The following CACNA1E variants were observed in gnomAD, a reference collection of about 807,000 sequenced individuals.
CACNA1E encodes the protein calcium voltage-gated channel subunit alpha1 E.
A neutral mutation model predicts 259.2 loss-of-function variants in CACNA1E; 40 were observed. The observed-to-expected ratio is 0.15, with a 90% CI of 0.12 to 0.20. The LOEUF (loss-of-function observed/expected upper bound fraction) is 0.20. CACNA1E is among the 10% of genes least tolerant of loss of function. The pLI, the probability that CACNA1E is intolerant of heterozygous loss-of-function variation, is 1.00. For missense variants in CACNA1E, 1,874 were observed against 3,040.1 expected (o/e 0.62, Z 9.02); for synonymous variants, 1,104 against 1,138.5 (o/e 0.97, Z 0.61).
intron 1 of CACNA1E, among the ~76,000 whole-genome samples, chr1:181,370,212 C>G (rs1654581684): frequency 1.3e-5 from 2 of 151,328 alleles, no homozygotes; most frequent in Admixed American, 6.6e-5. Context: ...CTCTTTGTTT[C>G]AGAAAATCAT....
At chr1:181,651,222 T>C (rs913695043) in intron 6 of CACNA1E, 116 bp from the exon 7 acceptor site, 1 of 666,100 alleles carries the variant, frequency 1.5e-6, no homozygotes, top group Non-Finnish European at 2.6e-6. Flanking sequence ...AGTAAGGCAA[T>C]ATTTAACTGT....
chr1:181,342,096 A>G (rs562271850), intron 1 of CACNA1E, among the ~76,000 whole-genome samples: 112 of 152,276 alleles, frequency 7.4e-4, no homozygotes, highest in Non-Finnish European at 1.4e-3. Context: ...CTAGACTTGA[A>G]TGGTAAGAAG....
At chr1:181,350,518 A>G (rs752838000) in intron 1 of CACNA1E, among the ~76,000 whole-genome samples, 9 of 152,168 alleles carry the variant, frequency 5.9e-5, no homozygotes, top group South Asian at 2.1e-4. Flanking sequence ...CACGTCTCCA[A>G]TGGAACCTCA....
intron 6 of CACNA1E, among the ~76,000 whole-genome samples, chr1:181,612,031 G>A (rs1316835845): frequency 6.6e-6 from 1 of 152,214 alleles, no homozygotes; most frequent in African/African-American, 2.4e-5. Flanking sequence ...AGCAGAGACT[G>A]TCAAGTCACC....
At chr1:181,778,724 G>C (rs952442907) in intron 38 of CACNA1E, among the ~76,000 whole-genome samples, 2 of 152,180 alleles carry the variant, frequency 1.3e-5, no homozygotes, top group African/African-American at 4.8e-5. Context: ...CTCCAGCCAA[G>C]CTGCTGTTGG....
intron 1 of CACNA1E, among the ~76,000 whole-genome samples, chr1:181,330,799 C>A (rs1357178139): frequency 6.6e-6 from 1 of 152,202 alleles, no homozygotes; most frequent in Non-Finnish European, 1.5e-5. Flanking sequence ...TGGCTCCATA[C>A]AGTGACTTAT....
intron 12 of CACNA1E, among the ~76,000 whole-genome samples, chr1:181,718,617 C>T (rs1423308946): frequency 1.8e-4 from 10 of 57,130 alleles, no homozygotes; most frequent in African/African-American, 7.4e-4. Flanking sequence ...TTCAAACACA[C>T]ACACACACAC....
chr1:181,504,200 T>C (rs1665505474), intron 1 of CACNA1E, among the ~76,000 whole-genome samples: 1 of 152,154 alleles, frequency 6.6e-6, no homozygotes, highest in Non-Finnish European at 1.5e-5. Context: ...CAGGTCTTCC[T>C]GTAGGGTCTG....
chr1:181,462,994 T>C (rs1008537849), intron 2 of CACNA1E, among the ~76,000 whole-genome samples: 2 of 152,172 alleles, frequency 1.3e-5, no homozygotes, highest in African/African-American at 4.8e-5. Flanking sequence ...TGTGAGATTT[T>C]CTCTGGGAAA....
intron 2 of CACNA1E, among the ~76,000 whole-genome samples, chr1:181,449,535 G>T (rs1472666319): frequency 6.6e-6 from 1 of 152,124 alleles, no homozygotes; most frequent in Non-Finnish European, 1.5e-5. Flanking sequence ...TTAGGCCCTG[G>T]CTCCTGAGGA....
At chr1:181,605,193 A>G (rs963213054) in intron 6 of CACNA1E, among the ~76,000 whole-genome samples, 1 of 152,192 alleles carries the variant, frequency 6.6e-6, no homozygotes, top group Non-Finnish European at 1.5e-5. Context: ...GAAAGAAATT[A>G]GAACAAGCAG....
At position 181,427,094 on chromosome 1, in the gene CACNA1E, C is replaced by T. The variant is rs537516436; in HGVS notation, c.434+13514C>T. ...TTACTCAATCCCTTCCTATCTCAAC[C>T]CCTTCACAACTCAACCCCTCTCCAT... On this transcript the variant is annotated intron_variant, in intron 2 of 11. Transcript: ENST00000524607. Among the ~76,000 whole-genome samples, 11 of 151,886 alleles carry T rather than the reference C, an allele frequency of 7.2e-5. No individual in the cohort carries two copies. In the East Asian group the frequency reaches 2.1e-3, roughly 30 times the overall value.
At chr1:181,750,612 C>A in intron 26 of CACNA1E, 125 bp downstream of exon 26, 1 of 850,932 alleles carries the variant, frequency 1.2e-6, no homozygotes, top group Non-Finnish European at 1.9e-6. Context: ...TATTTATATC[C>A]AAGGGATCAA....
At chr1:181,693,619 C>T (rs994972370) in intron 7 of CACNA1E, among the ~76,000 whole-genome samples, 6 of 151,964 alleles carry the variant, frequency 3.9e-5, no homozygotes, top group Non-Finnish European at 8.8e-5. Flanking sequence ...CACTCATGGA[C>T]ATAAAGATGG....
At chr1:181,402,646 C>A (rs1399026199) in intron 1 of CACNA1E, among the ~76,000 whole-genome samples, 2 of 152,104 alleles carry the variant, frequency 1.3e-5, no homozygotes, top group African/African-American at 4.8e-5. Flanking sequence ...CATGGACCTG[C>A]ATAAAGACAA....
At chr1:181,615,290 G>A (rs377207912) in intron 6 of CACNA1E, among the ~76,000 whole-genome samples, 23 of 152,120 alleles carry the variant, frequency 1.5e-4, no homozygotes, top group East Asian at 5.8e-4. Context: ...TCCCGGGTTC[G>A]AGCAATTCTC....
chr1:181,441,664 A>G (rs1366644280), intron 2 of CACNA1E, among the ~76,000 whole-genome samples: 1 of 152,082 alleles, frequency 6.6e-6, no homozygotes, highest in Non-Finnish European at 1.5e-5. Flanking sequence ...GATATGGGAG[A>G]CTCACTGACA....
At chr1:181,426,176 C>T (rs1423980058) in intron 2 of CACNA1E, among the ~76,000 whole-genome samples, 1 of 151,830 alleles carries the variant, frequency 6.6e-6, no homozygotes, top group Non-Finnish European at 1.5e-5. Flanking sequence ...TAACTGCATC[C>T]CCCTCCTGTC....
At chr1:181,795,767 A>AATATATATATATATATATATATATATAT (rs72040839) in intron 46 of CACNA1E, among the ~76,000 whole-genome samples, 67 of 113,244 alleles carry the variant, frequency 5.9e-4, no homozygotes, top group South Asian at 1.5e-3. Context: ...TTTTGCTTTA[A>AATATATATATATATATATATATATATAT]ATATATATAT....
Sources: allele counts gnomAD v4.1 joint callset (sites outside exome capture counted in the v4.1 genomes callset), GRCh38; gene constraint gnomAD v4.1.1; transcripts MANE v1.5; gene names NCBI Gene and HGNC (gene_info 2026-07-23, HGNC 2026-07-21).